The following PARVB variants were observed in gnomAD, a reference collection of about 807,000 sequenced individuals.
PARVB encodes parvin beta.
PARVB carries 46 observed loss-of-function variants against 47.0 expected under a neutral mutation model. The ratio of observed to expected loss-of-function variants is 0.98; its 90% CI spans 0.77 to 1.25. The LOEUF (loss-of-function observed/expected upper bound fraction) is 1.25. PARVB is among the 50% of genes most tolerant of loss of function. The pLI is 0.00. For missense variants in PARVB, 473 were observed against 471.6 expected (o/e 1.00, Z -0.03); for synonymous variants, 196 against 196.3 (o/e 1.00, Z 0.01).
At chr22:44,140,504 G>T (rs766955420) in intron 8 of PARVB, 1 of 591,622 alleles carries the variant, frequency 1.7e-6, no homozygotes, top group African/African-American at 1.8e-5. Context: ...ATGGAGCGTC[G>T]TTAGCTGGCT....
intron 1 of PARVB, among the ~76,000 whole-genome samples, chr22:44,082,348 A>C (rs1259414010): frequency 1.3e-5 from 2 of 152,212 alleles, no homozygotes; most frequent in East Asian, 3.9e-4. Flanking sequence ...GTGAAACCTC[A>C]TCTGTACTAA....
chr22:44,027,782 C>G (rs1055238504), intron 1 of PARVB, among the ~76,000 whole-genome samples: 2 of 151,772 alleles, frequency 1.3e-5, no homozygotes, highest in Non-Finnish European at 2.9e-5. Flanking sequence ...CCTGTAATCC[C>G]AGCTACTTGG....
chr22:44,147,279 G>A (rs1469723121), intron 8 of PARVB: 3 of 219,362 alleles, frequency 1.4e-5, no homozygotes, highest in Non-Finnish European at 1.9e-5. Flanking sequence ...ATAAGAAGCA[G>A]TTGGAGGGTT....
At chr22:44,056,496 C>T (rs1035297159) in intron 1 of PARVB, among the ~76,000 whole-genome samples, 3 of 152,022 alleles carry the variant, frequency 2.0e-5, no homozygotes, top group Non-Finnish European at 4.4e-5. Flanking sequence ...GTTTTGTTTT[C>T]ATTTTGTCTC....
intron 1 of PARVB, among the ~76,000 whole-genome samples, chr22:44,074,674 G>A (rs997302190): frequency 3.3e-5 from 5 of 152,306 alleles, no homozygotes; most frequent in Admixed American, 6.5e-5. Flanking sequence ...GGAGGGGAGT[G>A]GGGTGGGGAA....
intron 1 of PARVB, among the ~76,000 whole-genome samples, chr22:44,057,244 T>C (rs567601792): frequency 1.3e-5 from 2 of 152,290 alleles, no homozygotes; most frequent in South Asian, 4.1e-4. Context: ...AAAAATGTGA[T>C]GTACCAAGCA....
rs183035717 is a variant in PARVB at position 44,139,250 on chromosome 22, G to A, written c.693-874G>A. Reference sequence around the variant, plus strand: ...GACAGGGTCTTGCTCTGTTGCCCAGGCTGGAGTACAGTGGTGCGATCCCAG... The same window carrying A: ...GACAGGGTCTTGCTCTGTTGCCCAGACTGGAGTACAGTGGTGCGATCCCAG... On this transcript the variant is annotated intron_variant, in intron 7 of 12. Transcript: ENST00000338758. 6.3e-3 allele frequency: 958 copies of A among 152,672 alleles called. 7 individuals are homozygous for A. The highest frequency in any genetic ancestry group is 0.021 in the African/African-American group (862 of 41,562). 9.5% of individuals were successfully genotyped at this position (152,672 alleles called of 1,614,324 possible). A position where few individuals can be genotyped will look rare whatever the true frequency, so the allele number is the denominator to read the frequency against.
chr22:44,164,703 G>A (rs1162978862), intron 12 of PARVB, among the ~76,000 whole-genome samples: 5 of 152,166 alleles, frequency 3.3e-5, no homozygotes, highest in Admixed American at 1.3e-4. Flanking sequence ...CACTTTGACC[G>A]TGGCCCCCTA....
At chr22:44,046,628 G>C (rs1349612979) in intron 1 of PARVB, among the ~76,000 whole-genome samples, 1 of 152,238 alleles carries the variant, frequency 6.6e-6, no homozygotes, top group Non-Finnish European at 1.5e-5. Flanking sequence ...TGGCCCCGAT[G>C]ACATGTTATC....
At chr22:44,167,986 CT>C in intron 12 of PARVB, 1 of 152,812 alleles carries the variant, frequency 6.5e-6, no homozygotes, top group Non-Finnish European at 1.5e-5. Context: ...TCGTTTCTTA[CT>C]CTTGTGATCA....
intron 2 of PARVB, among the ~76,000 whole-genome samples, chr22:44,005,391 G>T (rs1159282208): frequency 6.7e-6 from 1 of 149,168 alleles, no homozygotes; most frequent in Non-Finnish European, 1.5e-5. Flanking sequence ...GAGATTACAT[G>T]TATGAGGTAC....
chr22:44,064,232 G>A lies in PARVB; in HGVS notation c.113-29696G>A, dbSNP rs561154633. Among the ~76,000 whole-genome samples the A allele has an allele frequency of 3.3e-5, 5 of 152,346 alleles. 1 individual carries two copies. The South Asian group carries it at 1.0e-3, about 32-fold the overall frequency. ...CAGCCAGCCGTATCACCTGGTTATAGTCACGCCGAAACCCAGCTGTTTGGA... is the reference window on the plus strand; with the variant it reads ...CAGCCAGCCGTATCACCTGGTTATAATCACGCCGAAACCCAGCTGTTTGGA... On this transcript the variant is annotated intron_variant, in intron 1 of 12. Transcript: ENST00000338758.
intron 3 of PARVB, chr22:44,111,992 G>A (rs62227671): frequency 0.33 from 50,196 of 151,544 alleles, 8,848 homozygotes; most frequent in East Asian, 0.46. Flanking sequence ...TGGGAGGATC[G>A]TGGGGAACCC....
At chr22:44,007,810 T>C (rs1408986366) in intron 2 of PARVB, among the ~76,000 whole-genome samples, 1 of 152,082 alleles carries the variant, frequency 6.6e-6, no homozygotes, top group African/African-American at 2.4e-5. Flanking sequence ...CTGCACCCAT[T>C]AGGCACTCAC....
At chr22:44,035,175 G>A (rs974330363) in intron 1 of PARVB, among the ~76,000 whole-genome samples, 1 of 152,096 alleles carries the variant, frequency 6.6e-6, no homozygotes, top group Non-Finnish European at 1.5e-5. Flanking sequence ...ATGTTATTAG[G>A]AAAATCATAA....
chr22:44,141,261 CGATA>C (rs1055049745), intron 8 of PARVB: 2 of 152,152 alleles, frequency 1.3e-5, no homozygotes, highest in East Asian at 1.9e-4. Context: ...AGAAGTAATA[CGATA>C]GATAGATATA....
At chr22:44,036,076 G>A (rs1033494675) in intron 1 of PARVB, among the ~76,000 whole-genome samples, 10 of 152,056 alleles carry the variant, frequency 6.6e-5, no homozygotes, top group African/African-American at 2.4e-4. Flanking sequence ...TGGCCAAATG[G>A]TGAAACCTTG....
intron 1 of PARVB, among the ~76,000 whole-genome samples, chr22:44,069,328 G>A (rs966703429): frequency 1.3e-5 from 2 of 152,156 alleles, no homozygotes; most frequent in African/African-American, 4.8e-5. Flanking sequence ...AGGACGATGG[G>A]CAAGGGGGTC....
rs1194021254 is a variant in PARVB, at chr22:44,125,259, G to GCCAAAGAA, written c.376+6119_376+6120insCCAAAGAA. Reference sequence around the variant, plus strand: ...AATGAATGTTCATTGGCTTACATGTGTCGGGTGGCTCTTGGCTGTAGAGAC... The same window carrying GCCAAAGAA: ...AATGAATGTTCATTGGCTTACATGTGCCAAAGAATCGGGTGGCTCTTGGCTGTAGAGAC... On this transcript the variant is annotated intron_variant, in intron 4 of 12. Coordinates refer to ENST00000338758, the MANE Select transcript of PARVB (RefSeq NM_013327.5). The surrounding 1 kb of genome is among the most constrained non-coding windows in gnomAD (Gnocchi z 4.1). Among the ~76,000 whole-genome samples, 11 of 151,986 alleles carry GCCAAAGAA rather than the reference G, an allele frequency of 7.2e-5. No homozygotes were observed. Among genetic ancestry groups the GCCAAAGAA allele is most frequent in the Admixed American group, 1.3e-4 (2 of 15,262 alleles).
Sources: gnomAD v4.1 joint callset for allele counts (sites outside exome capture counted in the v4.1 genomes callset) on GRCh38, gnomAD v4.1.1 for gene constraint, Gnocchi (gnomAD v3.1) non-coding constraint, MANE v1.5 for transcripts, NCBI Gene and HGNC (gene_info 2026-07-23, HGNC 2026-07-21) for gene names.